The following ULK4 variants were observed in gnomAD, a reference collection of about 807,000 sequenced individuals.
ULK4 encodes the protein inactive serine/threonine-protein kinase ULK4.
ULK4 carries 133 observed loss-of-function variants against 160.6 expected under a neutral mutation model. The observed-to-expected ratio is 0.83, with a 90% confidence interval of 0.72 to 0.96. ULK4 has a LOEUF of 0.96. Among genes scored for constraint, ULK4 ranks in the 40% least tolerant of loss-of-function variants. The pLI, the probability that ULK4 is intolerant of heterozygous loss-of-function variation, is 0.00. For missense variants in ULK4, 1,580 were observed against 1,499.5 expected, an observed-to-expected ratio of 1.05 and a Z score of -0.89; for synonymous variants, 534 against 539.8, an observed-to-expected ratio of 0.99 and a Z score of 0.15.
intron 35 of ULK4, among the ~76,000 whole-genome samples, chr3:41,307,192 T>C (rs934736779): frequency 6.8e-6 from 1 of 147,066 alleles, no homozygotes; most frequent in African/African-American, 2.5e-5. Context: ...GGACAGTGAG[T>C]GAAGGTGCAG....
intron 34 of ULK4, among the ~76,000 whole-genome samples, chr3:41,398,553 ATTTTT>A (rs11321558): frequency 7.7e-6 from 1 of 130,648 alleles, no homozygotes; most frequent in African/African-American, 2.9e-5. Context: ...TGCCCAGCTA[ATTTTT>A]TTTTTTTTTT....
At chr3:41,600,197 C>T (rs2031970787) in intron 31 of ULK4, among the ~76,000 whole-genome samples, 1 of 152,284 alleles carries the variant, frequency 6.6e-6, no homozygotes, top group South Asian at 2.1e-4. Flanking sequence ...ACCACCACTC[C>T]TCCTTACCTA....
intron 30 of ULK4, among the ~76,000 whole-genome samples, chr3:41,644,979 G>A (rs1268576453): frequency 7.2e-4 from 109 of 151,656 alleles, no homozygotes; most frequent in African/African-American, 2.4e-3. Flanking sequence ...GTTTATTTGT[G>A]TAGAGGTGTT....
chr3:41,476,431 T>C (rs2084145717), intron 32 of ULK4, among the ~76,000 whole-genome samples: 1 of 152,130 alleles, frequency 6.6e-6, no homozygotes, highest in Non-Finnish European at 1.5e-5. Context: ...TCCAAAGAGA[T>C]GCAGGGAAGT....
intron 35 of ULK4, among the ~76,000 whole-genome samples, chr3:41,305,238 GTCTCCC>G (rs1446347415): frequency 1.3e-5 from 2 of 151,744 alleles, no homozygotes; most frequent in Non-Finnish European, 2.9e-5. Context: ...TCTCCCCACG[GTCTCCC>G]TCTCCCTCTC....
At chr3:41,881,623 C>A (rs1484637414) in intron 17 of ULK4, among the ~76,000 whole-genome samples, 1 of 152,168 alleles carries the variant, frequency 6.6e-6, no homozygotes, top group African/African-American at 2.4e-5. Context: ...TCTCTATTAT[C>A]CAACCAAATG....
chr3:41,590,063 C>T (rs568089629), intron 31 of ULK4, among the ~76,000 whole-genome samples: 79 of 151,734 alleles, frequency 5.2e-4, no homozygotes, highest in African/African-American at 1.7e-3. Flanking sequence ...AGTACAGTGG[C>T]GCGATCTCGG....
intron 30 of ULK4, among the ~76,000 whole-genome samples, chr3:41,623,100 A>T (rs1378989654): frequency 5.9e-5 from 9 of 152,260 alleles, no homozygotes; most frequent in African/African-American, 1.9e-4. Context: ...AGAATTTTGT[A>T]TGATAAATTA....
At chr3:41,501,252 C>T (rs998735268) in intron 32 of ULK4, among the ~76,000 whole-genome samples, 2 of 152,304 alleles carry the variant, frequency 1.3e-5, no homozygotes, top group Non-Finnish European at 2.9e-5. Context: ...AATCCCAGCA[C>T]TTTGGGAGGC....
chr3:41,470,129 G>A (rs2083950544), intron 32 of ULK4, among the ~76,000 whole-genome samples: 1 of 148,452 alleles, frequency 6.7e-6, no homozygotes, highest in South Asian at 2.1e-4. Flanking sequence ...AGGAAGCACA[G>A]AGGTCTCCAA....
chr3:41,796,021 C>T lies in ULK4; in HGVS notation c.2010+4111G>A, dbSNP rs2040290366. 4.6e-5 allele frequency among the ~76,000 whole-genome samples: 7 copies of T among 152,138 alleles called. No homozygotes were observed. The South Asian group carries it at 1.4e-3, about 32-fold the overall frequency. ...GTCTAGCCCTTTGCTTTCCTTAATG[C>T]TCCTTCCTAACCTTCCCGCCCAGTA... On this transcript the variant is annotated intron_variant, in intron 20 of 36. Coordinates refer to ENST00000301831, the MANE Select transcript of ULK4 (RefSeq NM_017886.4).
intron 12 of ULK4, among the ~76,000 whole-genome samples, chr3:41,904,533 A>T (rs893995909): frequency 5.3e-5 from 8 of 152,156 alleles, no homozygotes; most frequent in Admixed American, 1.3e-4. Flanking sequence ...ATGATTATAT[A>T]CTCTTCTTTA....
At chr3:41,863,014 A>G (rs2042539442) in intron 17 of ULK4, among the ~76,000 whole-genome samples, 1 of 151,410 alleles carries the variant, frequency 6.6e-6, no homozygotes, top group Admixed American at 6.6e-5. Context: ...TGGCAAAGCC[A>G]GCCAGGCCTG....
chr3:41,550,157 T>G (rs753844275), intron 32 of ULK4, among the ~76,000 whole-genome samples: 1 of 151,860 alleles, frequency 6.6e-6, no homozygotes, highest in Non-Finnish European at 1.5e-5. Flanking sequence ...CAGAAAAAAT[T>G]CAAATGCAAG....
intron 32 of ULK4, among the ~76,000 whole-genome samples, chr3:41,545,711 C>A (rs1030537304): frequency 2.6e-5 from 4 of 151,480 alleles, no homozygotes; most frequent in Non-Finnish European, 4.4e-5. Context: ...TCTTTAAATT[C>A]TTTTTCTGCC....
intron 32 of ULK4, among the ~76,000 whole-genome samples, chr3:41,546,985 A>G (rs1190983601): frequency 1.3e-5 from 2 of 152,108 alleles, no homozygotes; most frequent in Non-Finnish European, 2.9e-5. Flanking sequence ...TCAAAACATT[A>G]TTTCCAGTTT....
intron 19 of ULK4, among the ~76,000 whole-genome samples, chr3:41,808,179 A>G (rs190875403): frequency 1.4e-3 from 210 of 152,188 alleles, no homozygotes; most frequent in Non-Finnish European, 2.5e-3. Flanking sequence ...AAAAATATTA[A>G]TATTTTGCCC....
At chr3:41,418,014 G>A (rs1181465687) in intron 34 of ULK4, among the ~76,000 whole-genome samples, 1 of 152,048 alleles carries the variant, frequency 6.6e-6, no homozygotes, top group Non-Finnish European at 1.5e-5. Context: ...GAGACTAAGG[G>A]AATTCTGTTC....
intron 17 of ULK4, among the ~76,000 whole-genome samples, chr3:41,839,940 A>G (rs2041863215): frequency 6.6e-6 from 1 of 152,216 alleles, no homozygotes; most frequent in African/African-American, 2.4e-5. Context: ...ATCTAAATAA[A>G]TGGAGTAATA....
Sources: gnomAD v4.1 joint callset for allele counts (sites outside exome capture counted in the v4.1 genomes callset) on GRCh38, gnomAD v4.1.1 for gene constraint, MANE v1.5 for transcripts, NCBI Gene and HGNC (gene_info 2026-07-23, HGNC 2026-07-21) for gene names.